The following PIGX variants were observed in gnomAD, a reference collection of about 807,000 sequenced individuals.
The protein encoded by PIGX is phosphatidylinositol glycan anchor biosynthesis class X.
PIGX carries 24 observed loss-of-function variants against 28.7 expected under a neutral mutation model. That is an observed-to-expected ratio of 0.84 (90% CI 0.60 to 1.17). The LOEUF (loss-of-function observed/expected upper bound fraction) is 1.17. Among genes scored for constraint, PIGX ranks in the 50% most tolerant of loss-of-function variants. The pLI is 0.00. For synonymous variants in PIGX, 127 were observed against 121.0 expected (o/e 1.05, Z -0.33); for missense variants, 305 against 317.8 (o/e 0.96, Z 0.31).
At chr3:196,715,688 T>G (rs190532259) in intron 1 of PIGX, among the ~76,000 whole-genome samples, 105 of 152,298 alleles carry the variant, frequency 6.9e-4, no homozygotes, top group Non-Finnish European at 9.7e-4. Flanking sequence ...TGTTTGGGGT[T>G]TGTTTGTTTG....
chr3:196,720,172 G>A lies in PIGX; in HGVS notation c.177-2243G>A, dbSNP rs972425543. ...CCACCATCCATTTATGGAACTCTTC[G>A]TTTTGTACAACTGAAACTCCTTGCC... On this transcript the variant is annotated intron_variant, in intron 2 of 5. Coordinates refer to ENST00000392391, the MANE Select transcript of PIGX (RefSeq NM_017861.4). Among the ~76,000 whole-genome samples the A allele has an allele frequency of 6.6e-5, 10 of 152,250 alleles. 1 individual carries two copies. In the Middle Eastern group the frequency reaches 0.017, roughly 259 times the overall value.
chr3:196,722,480 T>C lies in PIGX; in HGVS notation c.242T>C (p.Ile81Thr). The change falls in exon 3 of 6, where the codon ATT (isoleucine) becomes ACT (threonine). Residue 81 changes from isoleucine to threonine, a missense_variant. Physicochemically the swap from Ile to Thr is moderately conservative, Grantham distance 89. Coordinates refer to ENST00000392391, the MANE Select transcript of PIGX (RefSeq NM_017861.4). ...GACTTGCACACCTGCCGTCTCTTAATTAAACAGGACATTCCTGCAGGACTT... is the reference window on the plus strand; with the variant it reads ...GACTTGCACACCTGCCGTCTCTTAACTAAACAGGACATTCCTGCAGGACTT... 1.2e-6 allele frequency: 2 copies of C among 1,613,164 alleles called. No individual in the cohort carries two copies. The highest frequency in any genetic ancestry group is 1.7e-6 in the Non-Finnish European group (2 of 1,179,112).
At chr3:196,716,798 T>C in intron 1 of PIGX, 60 bp from the exon 2 acceptor site, 6 of 807,890 alleles carry the variant, frequency 7.4e-6, no homozygotes, top group Non-Finnish European at 9.1e-6. Context: ...TTTATAATTA[T>C]TTAAATATTA....
intron 1 of PIGX, among the ~76,000 whole-genome samples, chr3:196,713,297 G>A (rs976960374): frequency 3.8e-4 from 27 of 70,574 alleles, no homozygotes; most frequent in African/African-American, 1.7e-3. Context: ...AAAGGATTAT[G>A]AGGCCAAGAA....
chr3:196,728,592 A>C, intron 4 of PIGX: 1 of 734,704 alleles, frequency 1.4e-6, no homozygotes, highest in Non-Finnish European at 2.5e-6. Flanking sequence ...TTTCTTCAAC[A>C]CTGATCTGTT....
rs77912655 is a variant in PIGX at position 196,726,545 on chromosome 3, G to A, written c.319-1378G>A. 1,427 of 361,426 alleles carry A rather than the reference G, an allele frequency of 3.9e-3. 12 individuals carry two copies. The highest frequency in any genetic ancestry group is 0.028 in the African/African-American group (1,310 of 46,460). 22.4% of individuals were successfully genotyped at this position (361,426 alleles called of 1,614,324 possible). A position where few individuals can be genotyped will look rare whatever the true frequency, so the allele number is the denominator to read the frequency against. ...CTAATGCAAGTTTTGCCTAAAGAAG[G>A]TAATATTGCTCCTGTACTCTATGAG... On this transcript the variant is annotated intron_variant, in intron 3 of 5. Coordinates refer to ENST00000392391, the MANE Select transcript of PIGX (RefSeq NM_017861.4).
chr3:196,730,662 C>T (rs1577680159), intron 4 of PIGX, among the ~76,000 whole-genome samples: 1 of 149,208 alleles, frequency 6.7e-6, no homozygotes, highest in African/African-American at 2.5e-5. Flanking sequence ...GCAGGAGAAT[C>T]GCTTGAACCC....
At position 196,716,873 on chromosome 3, in the gene PIGX, G is replaced by T; in HGVS notation, c.128G>T (p.Cys43Phe). Reference sequence around the variant, plus strand: ...GTTCTTATAGGCATAAGGGCCATGTGTTCTGAAATTATTTTGAGGCAAGAA... The same window carrying T: ...GTTCTTATAGGCATAAGGGCCATGTTTTCTGAAATTATTTTGAGGCAAGAA... Residue 43 changes from cysteine (C) to phenylalanine (F), a missense_variant, in exon 2 of 6, where the codon TGT (cysteine) becomes TTT (phenylalanine). Transcript: ENST00000392391. 1 of 1,605,910 alleles carries T rather than the reference G, an allele frequency of 6.2e-7. No homozygotes were observed. The highest frequency in any genetic ancestry group is 8.5e-7 in the Non-Finnish European group (1 of 1,173,130).
At chr3:196,715,502 A>G (rs1577668514) in intron 1 of PIGX, among the ~76,000 whole-genome samples, 1 of 152,228 alleles carries the variant, frequency 6.6e-6, no homozygotes, top group African/African-American at 2.4e-5. Context: ...TAGAGGATCT[A>G]GCATGTTAGA....
At chr3:196,716,477 ATAT>A (rs926735034) in intron 1 of PIGX, among the ~76,000 whole-genome samples, 2 of 152,198 alleles carry the variant, frequency 1.3e-5, no homozygotes, top group African/African-American at 4.8e-5. Flanking sequence ...GAATAAAGTA[ATAT>A]TAATAAAAAA....
rs1196705344 is a variant in PIGX, at chr3:196,734,239, T to G, written c.*337T>G. 1 of 190,834 alleles carries G rather than the reference T, an allele frequency of 5.2e-6. No individual in the cohort carries two copies. Among genetic ancestry groups the G allele is most frequent in the Non-Finnish European group, 1.1e-5 (1 of 92,958 alleles). The allele number at this position is 190,834 out of a possible 1,614,324, so 11.8% of individuals were successfully genotyped here. On this transcript the variant is annotated 3_prime_UTR_variant, in exon 6 of 6. Coordinates refer to ENST00000392391, the MANE Select transcript of PIGX (RefSeq NM_017861.4). ...CAAATTATTCTCATTTTGCAAGTACTTTCAATTTAAGCTACAAATTGAGAA... is the reference window on the plus strand; with the variant it reads ...CAAATTATTCTCATTTTGCAAGTACGTTCAATTTAAGCTACAAATTGAGAA...
rs1712933322 is a variant in PIGX, at chr3:196,734,510, CCAAGATCGCACCACTG to C, written c.*611_*626del. The C allele has an allele frequency of 6.6e-6, 1 of 152,104 alleles. No individual in the cohort carries two copies. The highest frequency in any genetic ancestry group is 6.6e-5 in the Admixed American group (1 of 15,252). The allele number at this position is 152,104 out of a possible 1,614,324, so 9.4% of individuals were successfully genotyped here. A position where few individuals can be genotyped will look rare whatever the true frequency, so the allele number is the denominator to read the frequency against. ...CCTGGGAGGCGGAGGTTCCAGAGAG[CCAAGATCGCACCACTG>C]CACTACAGCCTGGGCGACAGAACGA... On this transcript the variant is annotated 3_prime_UTR_variant, in exon 6 of 6. Coordinates refer to ENST00000392391, the MANE Select transcript of PIGX (RefSeq NM_017861.4).
chr3:196,715,498 A>G (rs1479880712), intron 1 of PIGX, among the ~76,000 whole-genome samples: 2 of 152,316 alleles, frequency 1.3e-5, no homozygotes, highest in South Asian at 4.1e-4. Flanking sequence ...CAAGTAGAGG[A>G]TCTAGCATGT....
chr3:196,730,949 C>A, intron 4 of PIGX, 43 bp from the exon 5 acceptor site: 3 of 1,192,590 alleles, frequency 2.5e-6, no homozygotes, highest in South Asian at 1.2e-5. Context: ...GCTTTCAGTC[C>A]AAATACAGGT....
At position 196,733,499 on chromosome 3, in the gene PIGX, C is replaced by T. The variant is rs1237317563; in HGVS notation, c.634-260C>T. 6.6e-6 allele frequency among the ~76,000 whole-genome samples: 1 copy of T among 152,124 alleles called. No homozygotes were observed. The highest frequency in any genetic ancestry group is 1.5e-5 in the Non-Finnish European group (1 of 68,028). ...GATCTCAGCTCACTGCAAACCTCCGCCTCCCGGGTTCAAGTGATTGTTCTG... is the reference window on the plus strand; with the variant it reads ...GATCTCAGCTCACTGCAAACCTCCGTCTCCCGGGTTCAAGTGATTGTTCTG... On this transcript the variant is annotated intron_variant, in intron 5 of 5. Transcript: ENST00000392391. This position sits in a 1 kb window ranked among gnomAD's most constrained non-coding sequence, Gnocchi z 4.3.
At position 196,712,566 on chromosome 3, in the gene PIGX, G is replaced by T; in HGVS notation, c.34G>T (p.Ala12Ser). The change falls in exon 1 of 6, where the codon GCC (alanine) becomes TCC (serine). Residue 12 changes from alanine (A) to serine (S), a missense_variant. Ala to Ser is a moderately conservative substitution (Grantham distance 99). Transcript: ENST00000392391. The stretch of plus-strand genomic sequence containing the variant: ...TCGGGTGGCGGCGGTTCGGGCGGCC[G>T]CCTGGCTGCTCCTCGGGGCGGCGAC... The T allele has an allele frequency of 8.4e-7, 1 of 1,186,248 alleles. No individual in the cohort carries two copies. Among genetic ancestry groups the T allele is most frequent in the Non-Finnish European group, 1.0e-6 (1 of 958,648 alleles). The allele number at this position is 1,186,248 out of a possible 1,614,324, so 73.5% of individuals were successfully genotyped here.
chr3:196,713,886 C>T lies in PIGX; in HGVS notation c.112+1242C>T, dbSNP rs188914230. ...GAAGTCAATTTCCAGAGCCAGTTCA[C>T]CACTACCAAAGTAATAGTTAAGAGG... On this transcript the variant is annotated intron_variant, in intron 1 of 5. Coordinates refer to ENST00000392391, the MANE Select transcript of PIGX (RefSeq NM_017861.4). Among the ~76,000 whole-genome samples, 233 of 151,036 alleles carry T rather than the reference C, an allele frequency of 1.5e-3. 7 individuals are homozygous for T. Among genetic ancestry groups the T allele is most frequent in the Admixed American group, 0.013 (190 of 15,152 alleles).
Position 196,721,296 on chromosome 3 carries a change from T to C in PIGX, c.177-1119T>C, listed in dbSNP as rs543827815. On this transcript the variant is annotated intron_variant, in intron 2 of 5. Coordinates refer to ENST00000392391, the MANE Select transcript of PIGX (RefSeq NM_017861.4). The stretch of plus-strand genomic sequence containing the variant: ...CTTCAGTGTGGGTAGTTTCTGTTGC[T>C]GTGTCTCCAAGTCACTGATCTTTTC... 572 of 243,984 alleles carry C rather than the reference T, an allele frequency of 2.3e-3. 2 individuals carry two copies. Among genetic ancestry groups the C allele is most frequent in the Admixed American group, 5.8e-3 (105 of 18,094 alleles). 15.1% of individuals were successfully genotyped at this position (243,984 alleles called of 1,614,324 possible). A position where few individuals can be genotyped will look rare whatever the true frequency, so the allele number is the denominator to read the frequency against.
In PIGX at chr3:196,713,064, G is replaced by A. The variant is rs574789133; in HGVS notation, c.112+420G>A. 41 of 986,092 alleles carry A rather than the reference G, an allele frequency of 4.2e-5. No individual in the cohort carries two copies. In the African/African-American group the frequency reaches 6.6e-4, roughly 16 times the overall value. The allele number at this position is 986,092 out of a possible 1,614,324, so 61.1% of individuals were successfully genotyped here. A position where few individuals can be genotyped will look rare whatever the true frequency, so the allele number is the denominator to read the frequency against. On this transcript the variant is annotated intron_variant, in intron 1 of 5. Coordinates refer to ENST00000392391, the MANE Select transcript of PIGX (RefSeq NM_017861.4). ...AAACTGCTAGTTGTTCGTGCAAGTA[G>A]TAGTTGGCAAACTGCTTGTACTACT... is the stretch of plus-strand genomic sequence containing the variant.
Sources: allele counts gnomAD v4.1 joint callset (sites outside exome capture counted in the v4.1 genomes callset), GRCh38; gene constraint gnomAD v4.1.1; non-coding constraint Gnocchi (gnomAD v3.1); transcripts MANE v1.5; gene names NCBI Gene and HGNC (gene_info 2026-07-23, HGNC 2026-07-21).